CX3CR1: variants seen among roughly 807,000 people sequenced by gnomAD.
The protein encoded by CX3CR1 is CX3C chemokine receptor 1.
For synonymous variants in CX3CR1, 168 were observed against 178.5 expected, an observed-to-expected ratio of 0.94 and a Z score of 0.47; for missense variants, 363 against 432.4, an observed-to-expected ratio of 0.84 and a Z score of 1.42.
In CX3CR1 at chr3:39,276,722, C is replaced by T. The variant is rs76641797; in HGVS notation, c.-10+3232G>A. ...TTTTGTGCATGTACATCTCCTACAA[C>T]GTGGATGCATTTTAAAAGTTTAGTC... On this transcript the variant is annotated intron_variant, in intron 1 of 1. Transcript: ENST00000399220. Among the ~76,000 whole-genome samples the T allele has an allele frequency of 1.2e-4, 18 of 152,244 alleles. No individual in the cohort carries two copies. The East Asian group carries it at 2.3e-3, about 20-fold the overall frequency.
chr3:39,267,448 A>C (rs570997694), intron 1 of CX3CR1, among the ~76,000 whole-genome samples: 1 of 152,150 alleles, frequency 6.6e-6, no homozygotes, highest in Non-Finnish European at 1.5e-5. Flanking sequence ...TTCTCCTTAT[A>C]ATCAACAAGT....
chr3:39,280,364 C>T (rs996401080), upstream of CX3CR1: 24 of 985,528 alleles, frequency 2.4e-5, no homozygotes, highest in African/African-American at 3.7e-4. Flanking sequence ...GGGCCCTCAG[C>T]TTCCCTGCCC....
chr3:39,275,616 C>T (rs1001025479), intron 1 of CX3CR1, among the ~76,000 whole-genome samples: 1 of 152,204 alleles, frequency 6.6e-6, no homozygotes, highest in Non-Finnish European at 1.5e-5. Context: ...CTTGCAACCT[C>T]TTAGTAGATG....
upstream of CX3CR1, among the ~76,000 whole-genome samples, chr3:39,284,052 C>G (rs1457243080): frequency 6.6e-6 from 1 of 151,584 alleles, no homozygotes; most frequent in Non-Finnish European, 1.5e-5. Context: ...ATGCCTGTAT[C>G]AAAGCATTTC....
chr3:39,280,788 CCATGCTT>C (rs1161296784), upstream of CX3CR1, among the ~76,000 whole-genome samples: 1 of 152,246 alleles, frequency 6.6e-6, no homozygotes, highest in African/African-American at 2.4e-5. Context: ...CGGCATCCAG[CCATGCTT>C]CTGCTCCCTG....
chr3:39,280,456 G>A, upstream of CX3CR1: 1 of 985,478 alleles, frequency 1.0e-6, no homozygotes. Context: ...CCAGGCACTG[G>A]GAGCTTATTA....
upstream of CX3CR1, among the ~76,000 whole-genome samples, chr3:39,282,263 G>A (rs1285675039): frequency 6.6e-6 from 1 of 152,154 alleles, no homozygotes; most frequent in Non-Finnish European, 1.5e-5. Context: ...CTGTAAAGGA[G>A]TCTCTGGCTC....
chr3:39,265,629 GC>G lies in CX3CR1; in HGVS notation c.880del (p.Ala294HisfsTer45). Reference protein sequence around the residue: ...SHCCLNPLIYAFAGEKFRRYL... With the variant: ...SHCCLNPLIYXFAGEKFRRYL... ...TCTTCTGAACTTCTCCCCAGCAAAT[GC>G]ATAGATGAGAGGATTCAGGCAACAA... On this transcript the variant is annotated frameshift_variant, in exon 2 of 2. Coordinates refer to ENST00000399220, the MANE Select transcript of CX3CR1 (RefSeq NM_001337.4). LOFTEE classifies it low-confidence loss of function (END_TRUNC). 1 of 1,614,180 alleles carries G rather than the reference GC, an allele frequency of 6.2e-7. No individual in the cohort carries two copies. Among genetic ancestry groups the G allele is most frequent in the Non-Finnish European group, 8.5e-7 (1 of 1,180,036 alleles).
chr3:39,270,694 G>A (rs928056721), intron 1 of CX3CR1, among the ~76,000 whole-genome samples: 2 of 152,222 alleles, frequency 1.3e-5, no homozygotes, highest in East Asian at 3.8e-4. Flanking sequence ...TCCCTGGAGA[G>A]GGATTCTGAA....
chr3:39,290,481 A>C, the CX3CR1 span, among the ~76,000 whole-genome samples: 123,607 of 152,134 alleles, frequency 0.81, 50,420 homozygotes, highest in East Asian at 0.99. Context: ...GGGAATCCCA[A>C]GTGGTACAAT....
At chr3:39,291,394 T>C in the CX3CR1 span, among the ~76,000 whole-genome samples, 1 of 152,208 alleles carries the variant, frequency 6.6e-6, no homozygotes, top group African/African-American at 2.4e-5. Context: ...TTTTTTCACG[T>C]GCAACATGTA....
chr3:39,279,813 C>A (rs2040875450), intron 1 of CX3CR1, 141 bp downstream of exon 1: 1 of 196,768 alleles, frequency 5.1e-6, no homozygotes, highest in Non-Finnish European at 9.2e-6. Flanking sequence ...ACTCTTCCAT[C>A]CCCTTGGACA....
chr3:39,282,391 T>C (rs920036120), upstream of CX3CR1, among the ~76,000 whole-genome samples: 8 of 152,340 alleles, frequency 5.3e-5, no homozygotes, highest in Non-Finnish European at 1.2e-4. Context: ...CCAGCCCCTT[T>C]GGCTTCACTC....
At chr3:39,274,754 T>C (rs1206045397) in intron 1 of CX3CR1, among the ~76,000 whole-genome samples, 1 of 152,236 alleles carries the variant, frequency 6.6e-6, no homozygotes. Context: ...CTGTACCATA[T>C]TCTAGTCTAA....
intron 1 of CX3CR1, among the ~76,000 whole-genome samples, chr3:39,268,909 A>G (rs1335115307): frequency 6.6e-6 from 1 of 152,210 alleles, no homozygotes; most frequent in Non-Finnish European, 1.5e-5. Context: ...TGAGGAAGCA[A>G]AAGCCCTTTG....
intron 1 of CX3CR1, among the ~76,000 whole-genome samples, chr3:39,277,973 T>C (rs1041101012): frequency 6.6e-6 from 1 of 152,186 alleles, no homozygotes; most frequent in Non-Finnish European, 1.5e-5. Flanking sequence ...TTGCAGAAAG[T>C]TGACACATAC....
At position 39,266,500 on chromosome 3, in the gene CX3CR1, A is replaced by G; in HGVS notation, c.10T>C (p.Phe4Leu). The part of the protein sequence containing the change: MDQ[F>L]PESVTENFEY... Reference sequence around the variant, plus strand: ...AAGTTTTCTGTCACTGATTCAGGGAACTGATCCATGGTGAAGGCCTGGATC... The same window carrying G: ...AAGTTTTCTGTCACTGATTCAGGGAGCTGATCCATGGTGAAGGCCTGGATC... Residue 4 changes from phenylalanine (F) to leucine (L), a missense_variant, in exon 2 of 2, where the codon TTC becomes CTC. Coordinates refer to ENST00000399220, the MANE Select transcript of CX3CR1 (RefSeq NM_001337.4). 4.3e-6 allele frequency: 7 copies of G among 1,613,852 alleles called. No individual in the cohort carries two copies. Among genetic ancestry groups the G allele is most frequent in the Non-Finnish European group, 5.1e-6 (6 of 1,179,700 alleles).
At chr3:39,281,775 C>T (rs775558804), upstream of CX3CR1, 88 of 1,078,832 alleles carry the variant, frequency 8.2e-5, no homozygotes, top group Non-Finnish European at 1.2e-4. Context: ...TCCACTTCCC[C>T]CAACATGCCT....
chr3:39,286,377 G>A (rs900344786), upstream of CX3CR1: 1 of 152,264 alleles, frequency 6.6e-6, no homozygotes, highest in East Asian at 1.9e-4. Flanking sequence ...TGGGCCGGGC[G>A]CGGTGGCTCA....
Sources: gnomAD v4.1 joint callset for allele counts (sites outside exome capture counted in the v4.1 genomes callset) on GRCh38, gnomAD v4.1.1 for gene constraint, MANE v1.5 for transcripts, NCBI Gene and HGNC (gene_info 2026-07-23, HGNC 2026-07-21) for gene names.